WDR70: variants seen among roughly 807,000 people sequenced by gnomAD.
The protein encoded by WDR70 is WD repeat domain 70, also known as WD repeat-containing protein 70.
WDR70 carries 53 observed loss-of-function variants against 88.6 expected under a neutral mutation model. That is an observed-to-expected ratio of 0.60 (90% CI 0.48 to 0.75). WDR70 has a LOEUF of 0.75. Among genes scored for constraint, WDR70 ranks in the 30% least tolerant of loss-of-function variants. The pLI is 0.00. For missense variants in WDR70, 610 were observed against 823.2 expected, an observed-to-expected ratio of 0.74 and a Z score of 3.17; for synonymous variants, 280 against 270.0, an observed-to-expected ratio of 1.04 and a Z score of -0.36.
At chr5:37,740,652 G>A (rs1748446828) in intron 17 of WDR70, among the ~76,000 whole-genome samples, 1 of 152,144 alleles carries the variant, frequency 6.6e-6, no homozygotes, top group South Asian at 2.1e-4. Flanking sequence ...CAAAATCAAA[G>A]ACCACTCCTT....
chr5:37,463,049 G>A (rs1412365986), intron 7 of WDR70, among the ~76,000 whole-genome samples: 12 of 151,978 alleles, frequency 7.9e-5, no homozygotes, highest in Admixed American at 3.9e-4. Context: ...CAAGGTGGGC[G>A]GAACACGAGG....
chr5:37,601,958 G>A (rs1238736635), intron 9 of WDR70, among the ~76,000 whole-genome samples: 1 of 151,450 alleles, frequency 6.6e-6, no homozygotes, highest in Non-Finnish European at 1.5e-5. Flanking sequence ...TCTCAGCAAA[G>A]TAACACAGGA....
intron 9 of WDR70, among the ~76,000 whole-genome samples, chr5:37,567,483 C>T (rs186508196): frequency 1.0e-3 from 156 of 152,206 alleles, no homozygotes; most frequent in Non-Finnish European, 1.7e-3. Flanking sequence ...GAAGTGCTAA[C>T]AATATAATCT....
At chr5:37,681,121 T>C (rs541233231) in intron 10 of WDR70, among the ~76,000 whole-genome samples, 6 of 151,220 alleles carry the variant, frequency 4.0e-5, no homozygotes, top group African/African-American at 1.5e-4. Context: ...CTTTGAGCAG[T>C]TTTTTTTTGT....
intron 5 of WDR70, among the ~76,000 whole-genome samples, chr5:37,429,774 A>G (rs1338042070): frequency 6.6e-6 from 1 of 152,204 alleles, no homozygotes; most frequent in East Asian, 1.9e-4. Flanking sequence ...ACATGAAATC[A>G]TGTAGTGTAC....
intron 13 of WDR70, among the ~76,000 whole-genome samples, chr5:37,713,371 T>A (rs1230876985): frequency 6.6e-6 from 1 of 152,194 alleles, no homozygotes; most frequent in Non-Finnish European, 1.5e-5. Context: ...AAATGAAGAT[T>A]TTTCTGCTTC....
chr5:37,744,775 T>C (rs1379447001), intron 17 of WDR70, among the ~76,000 whole-genome samples: 2 of 151,560 alleles, frequency 1.3e-5, no homozygotes, highest in Non-Finnish European at 2.9e-5. Context: ...CCAAGAAATA[T>C]GGGACTTCAT....
chr5:37,685,703 G>A (rs976788978), intron 10 of WDR70, among the ~76,000 whole-genome samples: 4 of 152,152 alleles, frequency 2.6e-5, no homozygotes, highest in Admixed American at 2.0e-4. Context: ...TGGCTGGCAC[G>A]CTGCCCCTAC....
intron 9 of WDR70, among the ~76,000 whole-genome samples, chr5:37,558,992 GGT>G (rs1448695389): frequency 2.0e-5 from 3 of 151,284 alleles, no homozygotes; most frequent in African/African-American, 7.3e-5. Flanking sequence ...AGAGTGTGGT[GGT>G]GTGCTCTTGG....
At chr5:37,604,188 T>TA (rs1743967520) in intron 9 of WDR70, among the ~76,000 whole-genome samples, 1 of 152,234 alleles carries the variant, frequency 6.6e-6, no homozygotes, top group Admixed American at 6.5e-5. Context: ...TTTTAGTAGA[T>TA]GTCTGATGGT....
At chr5:37,677,125 T>A (rs1746251826) in intron 10 of WDR70, among the ~76,000 whole-genome samples, 1 of 152,148 alleles carries the variant, frequency 6.6e-6, no homozygotes, top group Admixed American at 6.5e-5. Context: ...TCTTCTCTCT[T>A]TTCTTCTTTA....
At chr5:37,546,107 C>G (rs1456355090) in intron 9 of WDR70, among the ~76,000 whole-genome samples, 1 of 151,964 alleles carries the variant, frequency 6.6e-6, no homozygotes, top group Non-Finnish European at 1.5e-5. Flanking sequence ...TATAATTAAG[C>G]CTTTAAATTT....
rs917238455 is a variant in WDR70, at chr5:37,619,478, T to C, written c.1092+14240T>C. Among the ~76,000 whole-genome samples, 7 of 152,306 alleles carry C rather than the reference T, an allele frequency of 4.6e-5. No individual in the cohort carries two copies. In the South Asian group the frequency reaches 1.2e-3, roughly 27 times the overall value. ...AGCATCAGGACAGCTATGATTTATT[T>C]TGTAAGTGGACAAGGCCAAACATTA... is the stretch of plus-strand genomic sequence containing the variant. On this transcript the variant is annotated intron_variant, in intron 10 of 17. Coordinates refer to ENST00000265107, the MANE Select transcript of WDR70 (RefSeq NM_018034.4).
chr5:37,547,575 T>C (rs1180968275), intron 9 of WDR70, among the ~76,000 whole-genome samples: 1 of 152,192 alleles, frequency 6.6e-6, no homozygotes, highest in East Asian at 1.9e-4. Context: ...ATACAATCTG[T>C]AATAATCACA....
chr5:37,404,907 G>A (rs945879432), intron 5 of WDR70, among the ~76,000 whole-genome samples: 3 of 152,080 alleles, frequency 2.0e-5, no homozygotes, highest in Non-Finnish European at 4.4e-5. Flanking sequence ...TATCACATTA[G>A]TACTTATAAT....
intron 10 of WDR70, among the ~76,000 whole-genome samples, chr5:37,682,516 AGGT>A (rs1243040162): frequency 2.4e-5 from 3 of 125,792 alleles, no homozygotes; most frequent in African/African-American, 5.0e-5. Flanking sequence ...TTGTAATGTT[AGGT>A]TGTTAAGTTG....
chr5:37,723,218 A>G (rs911150247), intron 15 of WDR70: 7 of 351,994 alleles, frequency 2.0e-5, no homozygotes, highest in African/African-American at 4.1e-5. Flanking sequence ...GTAACAGTCT[A>G]TTCCAAGTGT....
chr5:37,669,565 C>G (rs961982663), intron 10 of WDR70, among the ~76,000 whole-genome samples: 4 of 152,110 alleles, frequency 2.6e-5, no homozygotes, highest in African/African-American at 7.2e-5. Context: ...CTCTTACCAC[C>G]TGTGTTGTCA....
chr5:37,498,188 A>G (rs1376202866), intron 8 of WDR70, among the ~76,000 whole-genome samples: 1 of 152,226 alleles, frequency 6.6e-6, no homozygotes, highest in Non-Finnish European at 1.5e-5. Flanking sequence ...GCTTATGAAA[A>G]TAATTTCATG....
Sources: allele counts gnomAD v4.1 joint callset (sites outside exome capture counted in the v4.1 genomes callset), GRCh38; gene constraint gnomAD v4.1.1; transcripts MANE v1.5; gene names NCBI Gene and HGNC (gene_info 2026-07-23, HGNC 2026-07-21).